Variants in WSCD2 observed in about 807,000 individuals in gnomAD.
WSCD2 encodes the protein WSC domain sialate O sulfotransferase 2.
A neutral mutation model predicts 55.7 loss-of-function variants in WSCD2; 28 were observed. The observed-to-expected ratio is 0.50, with a 90% CI of 0.37 to 0.69. WSCD2 has a LOEUF of 0.69. WSCD2 is among the 30% of genes least tolerant of loss of function. The pLI, the probability that WSCD2 is intolerant of heterozygous loss-of-function variation, is 0.00. For missense variants in WSCD2, 616 were observed against 762.1 expected, an observed-to-expected ratio of 0.81 and a Z score of 2.26; for synonymous variants, 301 against 301.9, an observed-to-expected ratio of 1.00 and a Z score of 0.03.
chr12:108,159,662 G>A (rs1333909992), intron 1 of WSCD2, among the ~76,000 whole-genome samples: 1 of 152,196 alleles, frequency 6.6e-6, no homozygotes, highest in Non-Finnish European at 1.5e-5. Flanking sequence ...CAACTGCTTG[G>A]GATCATCTGA....
chr12:108,216,946 A>G (rs1275635759), intron 4 of WSCD2, among the ~76,000 whole-genome samples: 3 of 152,254 alleles, frequency 2.0e-5, no homozygotes, highest in Non-Finnish European at 2.9e-5. Context: ...ATATTAATGG[A>G]CTACTGACAG....
chr12:108,206,329 G>A lies in WSCD2; in HGVS notation c.423G>A (p.Arg141=). Residue 141 remains arginine, a synonymous_variant, in exon 3 of 9, where the codon CGG becomes CGA. Coordinates refer to ENST00000547525, the MANE Select transcript of WSCD2 (RefSeq NM_014653.4). ...GCTACCTGGATGACACCCAGAGTCG[G>A]GCCCTTCGAGGAGTGTCCTTTTTTG... ...IGCYLDDTQS[R]ALRGVSFFDY... is the part of the protein sequence containing the mutation. The A allele has an allele frequency of 6.2e-7, 1 of 1,614,144 alleles. No homozygotes were observed. The highest frequency in any genetic ancestry group is 8.5e-7 in the Non-Finnish European group (1 of 1,180,042).
intron 2 of WSCD2, among the ~76,000 whole-genome samples, chr12:108,200,145 G>T (rs1884474066): frequency 6.6e-6 from 1 of 152,188 alleles, no homozygotes. Flanking sequence ...GGAAGATTTA[G>T]TCTGCATTTT....
chr12:108,183,069 A>G (rs1381206236), intron 1 of WSCD2, among the ~76,000 whole-genome samples: 2 of 152,210 alleles, frequency 1.3e-5, no homozygotes, highest in Non-Finnish European at 2.9e-5. Context: ...CAGGGATGCT[A>G]TCAACCACCC....
chr12:108,130,739 G>A (rs764725093), intron 1 of WSCD2, among the ~76,000 whole-genome samples: 9 of 152,086 alleles, frequency 5.9e-5, no homozygotes, highest in Non-Finnish European at 1.3e-4. Flanking sequence ...TGCTCAATGA[G>A]ACCATTCCTA....
chr12:108,232,938 C>G, intron 7 of WSCD2, 43 bp downstream of exon 7: 2 of 1,594,956 alleles, frequency 1.3e-6, no homozygotes, highest in Non-Finnish European at 1.7e-6. Flanking sequence ...GTTCCCTGGG[C>G]TTGGGAAGGT....
chr12:108,211,629 C>CCATATATATATATATATATATATA (rs1886159274), intron 4 of WSCD2, among the ~76,000 whole-genome samples: 1 of 54,904 alleles, frequency 1.8e-5, no homozygotes, highest in African/African-American at 5.1e-5. Context: ...GTTTCAAATC[C>CCATATATATATATATATATATATA]CATATATATA....
chr12:108,224,790 T>C lies in WSCD2; in HGVS notation c.734T>C (p.Leu245Pro), dbSNP rs201886947. Residue 245 changes from leucine to proline, a missense_variant, in exon 5 of 9, where the codon CTG (leucine) becomes CCG (proline). Physicochemically the swap from Leu to Pro is moderately conservative, Grantham distance 98. Coordinates refer to ENST00000547525, the MANE Select transcript of WSCD2 (RefSeq NM_014653.4). Reference sequence around the variant, plus strand: ...TTCCGCAGGCCCGACAACCTTTCCCTGGCCTTACCCGTGACAGCTGCCATG... The same window carrying C: ...TTCCGCAGGCCCGACAACCTTTCCCCGGCCTTACCCGTGACAGCTGCCATG... ...GCFRRPDNLS[L>P]ALPVTAAMLN... The C allele has an allele frequency of 6.2e-7, 1 of 1,613,734 alleles. No individual in the cohort carries two copies. Among genetic ancestry groups the C allele is most frequent in the East Asian group, 2.2e-5 (1 of 44,882 alleles).
intron 1 of WSCD2, chr12:108,171,753 A>G (rs1880279825): frequency 6.6e-6 from 1 of 152,118 alleles, no homozygotes; most frequent in South Asian, 2.1e-4. Context: ...TCAAATCCCC[A>G]TTTCACCTCT....
intron 2 of WSCD2, among the ~76,000 whole-genome samples, chr12:108,204,016 A>G (rs1162059458): frequency 6.6e-6 from 1 of 152,238 alleles, no homozygotes; most frequent in African/African-American, 2.4e-5. Context: ...ACCAGTCAGA[A>G]CATACACCAT....
At chr12:108,132,827 A>G (rs73197641) in intron 1 of WSCD2, among the ~76,000 whole-genome samples, 7,448 of 152,108 alleles carry the variant, frequency 0.049, 248 homozygotes, top group Non-Finnish European at 0.076. Context: ...TGTGAGTGTG[A>G]GTTTGTGCTA....
chr12:108,130,475 G>GT, intron 1 of WSCD2, among the ~76,000 whole-genome samples: 1 of 134,512 alleles, frequency 7.4e-6, no homozygotes, highest in South Asian at 2.5e-4. Context: ...TCCATTCTGG[G>GT]GTGTGTGTGT....
intron 8 of WSCD2, chr12:108,244,726 C>G: frequency 3.0e-6 from 2 of 656,076 alleles, no homozygotes; most frequent in South Asian, 3.3e-5. Context: ...TATAAACAGA[C>G]CCCAGGTCTC....
At chr12:108,225,853 C>A (rs1263760572) in intron 5 of WSCD2, among the ~76,000 whole-genome samples, 2 of 152,144 alleles carry the variant, frequency 1.3e-5, no homozygotes, top group Non-Finnish European at 2.9e-5. Context: ...ACTCAAGTGT[C>A]CAGAGGAGAA....
In WSCD2 at chr12:108,193,571, T is replaced by C. The variant is rs575144795; in HGVS notation, c.-551-1711T>C. ...GTGGATGGATGGTTCAATGAATAGA[T>C]GGGTAGGTGAACTGCCGGAAGGCAA... On this transcript the variant is annotated intron_variant, in intron 1 of 8. Coordinates refer to ENST00000547525, the MANE Select transcript of WSCD2 (RefSeq NM_014653.4). 2.3e-4 allele frequency among the ~76,000 whole-genome samples: 35 copies of C among 151,864 alleles called. No individual in the cohort carries two copies. The South Asian group carries it at 6.7e-3, about 29-fold the overall frequency.
chr12:108,239,902 T>C (rs1889587400), intron 7 of WSCD2, among the ~76,000 whole-genome samples: 1 of 152,154 alleles, frequency 6.6e-6, no homozygotes, highest in African/African-American at 2.4e-5. Context: ...TTTTTTATTG[T>C]AGAGAATGGG....
intron 1 of WSCD2, among the ~76,000 whole-genome samples, chr12:108,133,101 G>C (rs1478698129): frequency 6.6e-6 from 1 of 152,132 alleles, no homozygotes; most frequent in Non-Finnish European, 1.5e-5. Context: ...ATTGCAGTGT[G>C]AACTTTTTGT....
At chr12:108,162,725 G>A (rs1879200081) in intron 1 of WSCD2, among the ~76,000 whole-genome samples, 1 of 152,140 alleles carries the variant, frequency 6.6e-6, no homozygotes, top group Non-Finnish European at 1.5e-5. Context: ...TGGGAGTAAG[G>A]CCTTCTCTTT....
intron 1 of WSCD2, among the ~76,000 whole-genome samples, chr12:108,187,348 G>A (rs1227386800): frequency 6.6e-6 from 1 of 152,192 alleles, no homozygotes; most frequent in Non-Finnish European, 1.5e-5. Context: ...CTGAAGTCTG[G>A]GCAAAGGGTA....
Sources: allele counts gnomAD v4.1 joint callset (sites outside exome capture counted in the v4.1 genomes callset), GRCh38; gene constraint gnomAD v4.1.1; transcripts MANE v1.5; gene names NCBI Gene and HGNC (gene_info 2026-07-23, HGNC 2026-07-21).